PTPRG: variants seen among roughly 807,000 people sequenced by gnomAD.
PTPRG encodes the protein receptor-type tyrosine-protein phosphatase gamma.
A neutral mutation model predicts 165.3 loss-of-function variants in PTPRG; 102 were observed. That is an observed-to-expected ratio of 0.62 (90% CI 0.53 to 0.73). PTPRG has a LOEUF of 0.73. PTPRG is among the 30% of genes least tolerant of loss of function. The probability of loss-of-function intolerance (pLI) is 0.00; values close to 1 mark genes in which losing one functional copy is unlikely to be tolerated. For missense variants in PTPRG, 1,866 were observed against 1,861.4 expected (o/e 1.00, Z -0.05); for synonymous variants, 675 against 669.5 (o/e 1.01, Z -0.13).
intron 25 of PTPRG, 82 bp downstream of exon 25, chr3:62,277,130 T>C (rs993982402): frequency 9.5e-6 from 10 of 1,055,960 alleles, no homozygotes; most frequent in Middle Eastern, 2.1e-4. Context: ...GTGACTGATG[T>C]CATTTTTGAA....
Position 62,292,461 on chromosome 3 carries a change from A to T in PTPRG, c.4096A>T (p.Thr1366Ser). 1 of 1,613,288 alleles carries T rather than the reference A, an allele frequency of 6.2e-7. No individual in the cohort carries two copies. Among genetic ancestry groups the T allele is most frequent in the Non-Finnish European group, 8.5e-7 (1 of 1,179,656 alleles). Residue 1366 changes from threonine to serine, a missense_variant, in exon 29 of 30, where the codon ACC (threonine) becomes TCC (serine). By Grantham distance (58) the Thr-to-Ser change is moderately conservative. This residue lies in a region of PTPRG where 1,452 missense variants were observed against 1,463.0 expected (regional missense o/e 0.99). Transcript: ENST00000474889. ...VSAGMLCALT[T>S]LSQQLENENA... ...AGCAGGAATGTTATGTGCCCTTACC[A>T]CCCTGTCCCAGCAACTGGAGAATGA...
chr3:61,656,468 G>A (rs1399808525), intron 1 of PTPRG, among the ~76,000 whole-genome samples: 1 of 152,212 alleles, frequency 6.6e-6, no homozygotes, highest in Non-Finnish European at 1.5e-5. Context: ...ATACTCTTGT[G>A]ATGAGTGGAT....
chr3:62,013,240 A>G (rs1314561617), intron 4 of PTPRG, among the ~76,000 whole-genome samples: 1 of 152,188 alleles, frequency 6.6e-6, no homozygotes, highest in Non-Finnish European at 1.5e-5. Flanking sequence ...CTATTTTTAT[A>G]CTATGTCCTT....
At chr3:62,154,007 A>C (rs952115504) in intron 6 of PTPRG, among the ~76,000 whole-genome samples, 1 of 152,172 alleles carries the variant, frequency 6.6e-6, no homozygotes, top group African/African-American at 2.4e-5. Context: ...TATTCTTCAC[A>C]TGTTTTTGAC....
intron 3 of PTPRG, among the ~76,000 whole-genome samples, chr3:62,001,661 A>G (rs7645951): frequency 0.098 from 14,837 of 151,972 alleles, 1,232 homozygotes; most frequent in African/African-American, 0.22. Context: ...TTATATTTTA[A>G]GGGTCACACA....
intron 26 of PTPRG, among the ~76,000 whole-genome samples, chr3:62,280,324 C>A (rs7651544): frequency 0.45 from 68,797 of 151,664 alleles, 16,206 homozygotes; most frequent in African/African-American, 0.53. Flanking sequence ...ACAGGTGATA[C>A]AAAATCTCCT....
chr3:62,152,703 G>A (rs1056513036), intron 6 of PTPRG, among the ~76,000 whole-genome samples: 2 of 152,216 alleles, frequency 1.3e-5, no homozygotes, highest in African/African-American at 4.8e-5. Flanking sequence ...ATTCTGTAAT[G>A]TATTGCTCGT....
chr3:61,763,102 C>T (rs2033906090), intron 2 of PTPRG, among the ~76,000 whole-genome samples: 1 of 152,140 alleles, frequency 6.6e-6, no homozygotes, highest in Non-Finnish European at 1.5e-5. Context: ...ATCGTGTTCT[C>T]ATGCTTAAAC....
intron 4 of PTPRG, among the ~76,000 whole-genome samples, chr3:62,025,336 C>G (rs948835185): frequency 6.6e-6 from 1 of 152,120 alleles, no homozygotes; most frequent in African/African-American, 2.4e-5. Context: ...TTCGAGAAAC[C>G]TTGGCAAAAG....
intron 17 of PTPRG, among the ~76,000 whole-genome samples, chr3:62,265,894 T>TACACACACACACACACACACAC (rs1250968284): frequency 3.3e-3 from 87 of 26,512 alleles, no homozygotes; most frequent in South Asian, 0.012. Flanking sequence ...CTGTGCCTTA[T>TACACACACACACACACACACAC]ATACACACAC....
At chr3:62,034,929 G>C (rs1237040337) in intron 4 of PTPRG, among the ~76,000 whole-genome samples, 1 of 152,124 alleles carries the variant, frequency 6.6e-6, no homozygotes, top group Non-Finnish European at 1.5e-5. Context: ...GGCCATCCCT[G>C]TCCGTGGCTC....
chr3:61,645,789 C>CT (rs995633501), intron 1 of PTPRG, among the ~76,000 whole-genome samples: 1 of 152,208 alleles, frequency 6.6e-6, no homozygotes, highest in Non-Finnish European at 1.5e-5. Flanking sequence ...TCCAGCAAAA[C>CT]TTTATGTACA....
intron 5 of PTPRG, among the ~76,000 whole-genome samples, chr3:62,127,565 T>C (rs1703341210): frequency 6.6e-6 from 1 of 152,236 alleles, no homozygotes; most frequent in African/African-American, 2.4e-5. Context: ...CCATTCACCC[T>C]CAGCATGCAT....
intron 1 of PTPRG, among the ~76,000 whole-genome samples, chr3:61,621,622 C>A (rs1701460688): frequency 6.6e-6 from 1 of 152,168 alleles, no homozygotes; most frequent in East Asian, 1.9e-4. Flanking sequence ...TTATTCGTGC[C>A]AGGGGAGATT....
At chr3:61,823,675 A>T (rs2036021803) in intron 2 of PTPRG, among the ~76,000 whole-genome samples, 1 of 152,238 alleles carries the variant, frequency 6.6e-6, no homozygotes, top group Non-Finnish European at 1.5e-5. Flanking sequence ...AGACTAGCTT[A>T]ATAAGGTGAA....
chr3:61,835,980 C>T (rs1041857953), intron 2 of PTPRG, among the ~76,000 whole-genome samples: 2 of 151,286 alleles, frequency 1.3e-5, no homozygotes, highest in South Asian at 2.1e-4. Flanking sequence ...GTGGAGGATG[C>T]GGTGAGCTAA....
At chr3:62,170,356 T>C (rs7620656) in intron 8 of PTPRG, among the ~76,000 whole-genome samples, 38,022 of 151,816 alleles carry the variant, frequency 0.25, 5,082 homozygotes, top group East Asian at 0.36. Context: ...ATGCAGAGGA[T>C]GTGGATTGGG....
intron 5 of PTPRG, among the ~76,000 whole-genome samples, chr3:62,111,309 G>A (rs1026248838): frequency 6.6e-6 from 1 of 152,212 alleles, no homozygotes; most frequent in African/African-American, 2.4e-5. Context: ...CCTTTGAGGA[G>A]CAGTACTCCT....
chr3:61,836,629 T>C (rs2036470250), intron 2 of PTPRG, among the ~76,000 whole-genome samples: 1 of 152,240 alleles, frequency 6.6e-6, no homozygotes, highest in Non-Finnish European at 1.5e-5. Context: ...CATCACTTTG[T>C]AGTTGAGGAA....
Sources: gnomAD v4.1 joint callset for allele counts (sites outside exome capture counted in the v4.1 genomes callset) on GRCh38, gnomAD v4.1.1 for gene constraint, gnomAD v4.1.1 regional missense constraint, MANE v1.5 for transcripts, NCBI Gene and HGNC (gene_info 2026-07-23, HGNC 2026-07-21) for gene names.